KLRC2: variants seen among roughly 807,000 people sequenced by gnomAD.
The protein encoded by KLRC2 is killer cell lectin like receptor C2, also known as NKG2-C type II integral membrane protein.
In KLRC2, 10 loss-of-function variants were observed where a neutral mutation model predicts 25.5. The observed-to-expected ratio is 0.39, with a 90% CI of 0.24 to 0.67. The LOEUF (loss-of-function observed/expected upper bound fraction) is 0.67, where lower values mean the gene tolerates loss of function less well. Among genes scored for constraint, KLRC2 ranks in the 30% least tolerant of loss-of-function variants. The pLI is 0.45. For synonymous variants in KLRC2, 48 were observed against 93.3 expected (o/e 0.51, Z 2.80); for missense variants, 170 against 272.8 (o/e 0.62, Z 2.65).
chr12:10,431,998 T>C lies in KLRC2; in HGVS notation c.584+108A>G. 3 of 976,464 alleles carry C rather than the reference T, an allele frequency of 3.1e-6. 1 individual carries two copies. Among genetic ancestry groups the C allele is most frequent in the Non-Finnish European group, 4.4e-6 (3 of 686,098 alleles). 60.5% of individuals were successfully genotyped at this position (976,464 alleles called of 1,614,324 possible). On this transcript the variant is annotated intron_variant, in intron 5 of 5. Transcript: ENST00000381902. ...ATTTATATCAACATTTCACTAACTT[T>C]CCACATCTTTCTTCATGTCAATGAT...
At position 10,436,010 on chromosome 12, in the gene KLRC2, G is replaced by A. The variant is rs758953624; in HGVS notation, c.-24C>T. 11 of 1,599,446 alleles carry A rather than the reference G, an allele frequency of 6.9e-6. No individual in the cohort carries two copies. The South Asian group carries it at 1.0e-4, about 15-fold the overall frequency. On this transcript the variant is annotated 5_prime_UTR_variant, in exon 1 of 6. Coordinates refer to ENST00000381902, the MANE Select transcript of KLRC2 (RefSeq NM_002260.4). ...ATCTCTGCAGCTGTGTGATGTGAGG[G>A]ACTGTGCTCTATGATAACTGCACTT...
In KLRC2 at chr12:10,433,860, C is replaced by A. The variant is rs1478837026; in HGVS notation, c.414G>T (p.Trp138Cys). 6.5e-7 allele frequency: 1 copy of A among 1,550,348 alleles called. No homozygotes were observed. Among genetic ancestry groups the A allele is most frequent in the African/African-American group, 1.5e-5 (1 of 68,466 alleles). Residue 138 changes from tryptophan to cysteine, a missense_variant, in exon 4 of 6, where the codon TGG (tryptophan) becomes TGT (cysteine). Physicochemically the swap from Trp to Cys is radical, Grantham distance 215. This residue lies in a region of KLRC2 where 129 missense variants were observed against 150.2 expected (regional missense o/e 0.86). Coordinates refer to ENST00000381902, the MANE Select transcript of KLRC2 (RefSeq NM_002260.4). ...CYYIGKERRT[W>C]EESLLACTSK... ...AAGTACAGGCCAGCAAACTCTCTTC[C>A]CAAGTTCTTCTTTCCTTACCAATGT... is the stretch of plus-strand genomic sequence containing the variant.
chr12:10,431,713 T>A (rs1863818168), intron 5 of KLRC2, among the ~76,000 whole-genome samples: 1 of 141,696 alleles, frequency 7.1e-6, no homozygotes, highest in Admixed American at 6.9e-5. Flanking sequence ...GGGCCGCACG[T>A]GACCCAGGAC....
In KLRC2 at chr12:10,431,229, C is replaced by G. The variant is rs781080442; in HGVS notation, c.585-1G>C. 4.5e-6 allele frequency: 7 copies of G among 1,539,282 alleles called. 2 individuals carry two copies. The Admixed American group carries it at 1.2e-4, about 26-fold the overall frequency. On this transcript the variant is annotated splice_acceptor_variant, in intron 5 of 5. Coordinates refer to ENST00000381902, the MANE Select transcript of KLRC2 (RefSeq NM_002260.4). LOFTEE classifies it high-confidence loss of function. ...TTCAGCATTATCTGAGTCTTTTATC[C>G]TGTAATGGAGAAAAATCCATTTTCT... is the stretch of plus-strand genomic sequence containing the variant.
rs577269852 is a variant in KLRC2, at chr12:10,435,061, G to A, written c.286+251C>T. On this transcript the variant is annotated intron_variant, in intron 2 of 5. Coordinates refer to ENST00000381902, the MANE Select transcript of KLRC2 (RefSeq NM_002260.4). ...AGGACTGTAACAGAAAAATTAAAAT[G>A]ATTTTTATAAAAAGTAATATTTAGA... 470 of 1,093,724 alleles carry A rather than the reference G, an allele frequency of 4.3e-4. 25 individuals are homozygous for A. The highest frequency in any genetic ancestry group is 1.3e-3 in the Middle Eastern group (5 of 3,776). The allele number at this position is 1,093,724 out of a possible 1,614,324, so 67.8% of individuals were successfully genotyped here.
At chr12:10,433,455 TA>T (rs1863836131) in intron 4 of KLRC2, among the ~76,000 whole-genome samples, 1 of 142,090 alleles carries the variant, frequency 7.0e-6, no homozygotes, top group Non-Finnish European at 1.5e-5. Flanking sequence ...TGGAAACTTT[TA>T]TTTCATGATC....
At position 10,433,067 on chromosome 12, in the gene KLRC2, G is replaced by C. The variant is rs184896057; in HGVS notation, c.483+724C>G. ...TCTCATACCAAGAGACACCAGGATG[G>C]CTGTGGATGAGGAGGATCAGCAAAG... is the stretch of plus-strand genomic sequence containing the variant. On this transcript the variant is annotated intron_variant, in intron 4 of 5. Transcript: ENST00000381902. 1.7e-3 allele frequency among the ~76,000 whole-genome samples: 245 copies of C among 141,416 alleles called. 40 individuals are homozygous for C. The highest frequency in any genetic ancestry group is 4.6e-3 in the Admixed American group (67 of 14,442). 92.8% of individuals were successfully genotyped at this position (141,416 alleles called of 152,430 possible). A position where few individuals can be genotyped will look rare whatever the true frequency, so the allele number is the denominator to read the frequency against.
intron 4 of KLRC2, among the ~76,000 whole-genome samples, chr12:10,433,158 C>T (rs1418758595): frequency 7.1e-6 from 1 of 141,656 alleles, no homozygotes; most frequent in Non-Finnish European, 1.5e-5. Context: ...GGGCATGAGA[C>T]CCACTTCCCC....
Position 10,430,970 on chromosome 12 carries a change from T to C in KLRC2, c.*147A>G, listed in dbSNP as rs1365481480. 31 of 1,198,922 alleles carry C rather than the reference T, an allele frequency of 2.6e-5. 1 individual carries two copies. Among genetic ancestry groups the C allele is most frequent in the Non-Finnish European group, 3.0e-5 (27 of 908,248 alleles). The allele number at this position is 1,198,922 out of a possible 1,614,324, so 74.3% of individuals were successfully genotyped here. On this transcript the variant is annotated 3_prime_UTR_variant, in exon 6 of 6. Coordinates refer to ENST00000381902, the MANE Select transcript of KLRC2 (RefSeq NM_002260.4). Reference sequence around the variant, plus strand: ...GCTAGGATGTCTGTACTTTAGTAATTGTGTGCATCCTATTTCAATAATTGA... The same window carrying C: ...GCTAGGATGTCTGTACTTTAGTAATCGTGTGCATCCTATTTCAATAATTGA...
intron 5 of KLRC2, 26 bp downstream of exon 5, chr12:10,432,080 A>C (rs1452775453): frequency 7.1e-7 from 1 of 1,413,126 alleles, no homozygotes; most frequent in Non-Finnish European, 9.7e-7. Context: ...TATATTTTTT[A>C]TATAGCGCCA....
At chr12:10,432,490 G>T (rs1315738360) in intron 4 of KLRC2, among the ~76,000 whole-genome samples, 1 of 114,104 alleles carries the variant, frequency 8.8e-6, no homozygotes, top group East Asian at 2.7e-4. Flanking sequence ...CATTCCTCCA[G>T]ATACTGTGAC....
chr12:10,433,986 A>C (rs1863842829), intron 3 of KLRC2, 44 bp from the exon 4 acceptor site: 1 of 1,519,866 alleles, frequency 6.6e-7, no homozygotes, highest in East Asian at 2.4e-5. Context: ...ATGAATTTTT[A>C]AAAATGAAAA....
At chr12:10,434,448 A>G (rs1591606947) in intron 3 of KLRC2, 38 bp downstream of exon 3, 1 of 1,526,972 alleles carries the variant, frequency 6.5e-7, no homozygotes. Flanking sequence ...CAAAATATAA[A>G]TTGTACTAAT....
Position 10,434,518 on chromosome 12 carries a change from T to G in KLRC2, c.299A>C (p.Asn100Thr), listed in dbSNP as rs1178438729. The change falls in exon 3 of 6, where the codon AAC (asparagine) becomes ACC (threonine). Residue 100 changes from asparagine to threonine, a missense_variant. Transcript: ENST00000381902. Reference protein sequence around the residue: ...TIVLIPFLEQNNFSPNTRTQK... With the variant: ...TIVLIPFLEQTNFSPNTRTQK... ...CGTTCTTGTATTCGGGGAAAAATTG[T>G]TCTGCTCCAGGACTGTAATAGAAAA... 5.8e-6 allele frequency: 9 copies of G among 1,559,026 alleles called. No homozygotes were observed. The Admixed American group carries it at 1.5e-4, about 26-fold the overall frequency.
intron 4 of KLRC2, among the ~76,000 whole-genome samples, chr12:10,432,684 C>T (rs1296378123): frequency 3.7e-5 from 5 of 134,936 alleles, no homozygotes; most frequent in African/African-American, 1.4e-4. Context: ...TAACAGGGGT[C>T]CTGGCCAGGT....
At chr12:10,433,189 T>C (rs1198791134) in intron 4 of KLRC2, among the ~76,000 whole-genome samples, 1 of 141,804 alleles carries the variant, frequency 7.1e-6, no homozygotes, top group Non-Finnish European at 1.5e-5. Context: ...AAGGACTCAA[T>C]GGATTCTTAC....
chr12:10,433,232 A>T (rs1863833331), intron 4 of KLRC2, among the ~76,000 whole-genome samples: 1 of 142,358 alleles, frequency 7.0e-6, no homozygotes, highest in South Asian at 2.2e-4. Flanking sequence ...AGTGAACAGT[A>T]ACATACTACT....
Position 10,433,756 on chromosome 12 carries a change from C to G in KLRC2, c.483+35G>C, listed in dbSNP as rs1256353958. The G allele has an allele frequency of 7.2e-6, 11 of 1,531,428 alleles. 2 individuals are homozygous for G. Among genetic ancestry groups the G allele is most frequent in the Non-Finnish European group, 9.8e-6 (11 of 1,121,612 alleles). The allele number at this position is 1,531,428 out of a possible 1,614,324, so 94.9% of individuals were successfully genotyped here. ...CAAATGTATTATTCACTGAAGGAAG[C>G]TTTTCATAAAATGTTTGAAACATTT... On this transcript the variant is annotated intron_variant, in intron 4 of 5. Transcript: ENST00000381902.
At chr12:10,434,672 A>C in intron 2 of KLRC2, 142 bp from the exon 3 acceptor site, 1 of 523,598 alleles carries the variant, frequency 1.9e-6, no homozygotes, top group Non-Finnish European at 3.3e-6. Context: ...CTATAAAAAT[A>C]TATAAAGTAA....
Sources: allele counts gnomAD v4.1 joint callset (sites outside exome capture counted in the v4.1 genomes callset), GRCh38; gene constraint gnomAD v4.1.1; regional missense constraint gnomAD v4.1.1; transcripts MANE v1.5; gene names NCBI Gene and HGNC (gene_info 2026-07-23, HGNC 2026-07-21).